PPIL1: variants seen among roughly 807,000 people sequenced by gnomAD.
PPIL1 encodes the protein peptidyl-prolyl cis-trans isomerase-like 1.
PPIL1 carries 14 observed loss-of-function variants against 19.4 expected under a neutral mutation model. That is an observed-to-expected ratio of 0.72 (90% confidence interval 0.48 to 1.13). PPIL1 has a LOEUF of 1.13. Ranked by LOEUF, PPIL1 falls within the 50% of genes most tolerant of loss-of-function variation. The pLI, the probability that PPIL1 is intolerant of heterozygous loss-of-function variation, is 0.00. For synonymous variants in PPIL1, 72 were observed against 73.6 expected (o/e 0.98, Z 0.11); for missense variants, 192 against 218.0 (o/e 0.88, Z 0.75).
chr6:36,865,324 C>CT (rs1336477099), intron 2 of PPIL1, among the ~76,000 whole-genome samples: 2 of 152,242 alleles, frequency 1.3e-5, no homozygotes, highest in Non-Finnish European at 2.9e-5. Context: ...CAAATCTGAA[C>CT]TCCTCTGTCT....
chr6:36,862,743 G>A (rs1036659814), intron 2 of PPIL1, among the ~76,000 whole-genome samples: 6 of 152,188 alleles, frequency 3.9e-5, no homozygotes, highest in African/African-American at 1.2e-4. Flanking sequence ...ACTTCCAGAC[G>A]TTCTGTTGTG....
At chr6:36,860,050 A>G (rs879550209) in intron 2 of PPIL1, among the ~76,000 whole-genome samples, 2 of 152,020 alleles carry the variant, frequency 1.3e-5, no homozygotes, top group African/African-American at 4.8e-5. Flanking sequence ...GATGGTCTCA[A>G]TCTTGACCTC....
At chr6:36,859,811 T>TTTTGTGTGTGTGTGTGTGTGTGTG (rs112797928) in intron 2 of PPIL1, among the ~76,000 whole-genome samples, 11 of 144,884 alleles carry the variant, frequency 7.6e-5, no homozygotes, top group African/African-American at 2.6e-4. Context: ...CTGTTTTCTA[T>TTTTGTGTGTGTGTGTGTGTGTGTG]TGTGTGTGTG....
chr6:36,871,283 G>A (rs1774503988), intron 2 of PPIL1, among the ~76,000 whole-genome samples: 2 of 152,260 alleles, frequency 1.3e-5, no homozygotes, highest in Admixed American at 6.5e-5. Context: ...TATCTCCCTA[G>A]AGCTTAAAAA....
At chr6:36,863,708 T>C (rs919461624) in intron 2 of PPIL1, among the ~76,000 whole-genome samples, 4 of 152,076 alleles carry the variant, frequency 2.6e-5, no homozygotes, top group African/African-American at 9.7e-5. Flanking sequence ...ATTCAGACTT[T>C]CGCCCCTCAC....
chr6:36,866,521 C>T lies in PPIL1; in HGVS notation c.211+5197G>A, dbSNP rs114377232. Among the ~76,000 whole-genome samples, 625 of 152,206 alleles carry T rather than the reference C, an allele frequency of 4.1e-3. 7 individuals carry two copies. Among genetic ancestry groups the T allele is most frequent in the African/African-American group, 0.014 (592 of 41,516 alleles). On this transcript the variant is annotated intron_variant, in intron 2 of 3. Coordinates refer to ENST00000373699, the MANE Select transcript of PPIL1 (RefSeq NM_016059.5). The stretch of plus-strand genomic sequence containing the variant: ...GTGGGCTGCTCAGTCATTCATTATA[C>T]TTGAGGCTGGGTGCAGTTATTTGAA...
chr6:36,855,775 G>A lies in PPIL1; in HGVS notation c.*38C>T, dbSNP rs181580627. 537 of 1,593,216 alleles carry A rather than the reference G, an allele frequency of 3.4e-4. 5 individuals carry two copies. Among genetic ancestry groups the A allele is most frequent in the Non-Finnish European group, 3.3e-5 (38 of 1,161,208 alleles). ...ATGTCATCTAGAAGCTGGTTCACTG[G>A]GGCCATCTCAGAAGAGCTGCTCAAG... On this transcript the variant is annotated 3_prime_UTR_variant, in exon 4 of 4. Transcript: ENST00000373699.
At chr6:36,872,010 C>G (rs1275862447) in intron 1 of PPIL1, 138 bp from the exon 2 acceptor site, 1 of 744,118 alleles carries the variant, frequency 1.3e-6, no homozygotes, top group African/African-American at 1.9e-5. Flanking sequence ...TCATGCTCAG[C>G]AAAGGAAAAC....
chr6:36,862,429 G>A (rs953834628), intron 2 of PPIL1, among the ~76,000 whole-genome samples: 16 of 152,178 alleles, frequency 1.1e-4, no homozygotes, highest in South Asian at 2.1e-4. Context: ...GCAGACAGGC[G>A]TGGCCAGATG....
chr6:36,856,952 T>C (rs1395235057), intron 2 of PPIL1, among the ~76,000 whole-genome samples: 2 of 152,232 alleles, frequency 1.3e-5, no homozygotes, highest in African/African-American at 4.8e-5. Flanking sequence ...CAAAAGAACA[T>C]TAAAATCCTC....
chr6:36,870,171 C>CA (rs1774479303), intron 2 of PPIL1, among the ~76,000 whole-genome samples: 1 of 148,728 alleles, frequency 6.7e-6, no homozygotes, highest in East Asian at 2.0e-4. Context: ...TTAAGAATGA[C>CA]AAAAAAGAAC....
intron 2 of PPIL1, among the ~76,000 whole-genome samples, chr6:36,857,847 C>A (rs972175720): frequency 6.6e-6 from 1 of 152,116 alleles, no homozygotes; most frequent in East Asian, 1.9e-4. Flanking sequence ...AGCAGCATCA[C>A]CACCAAATGT....
intron 2 of PPIL1, among the ~76,000 whole-genome samples, chr6:36,864,981 T>TAA (rs569701227): frequency 7.2e-4 from 104 of 145,108 alleles, no homozygotes; most frequent in Middle Eastern, 7.0e-3. Flanking sequence ...GAATTAACAA[T>TAA]AAAAAAAAAA....
chr6:36,855,822 A>C lies in PPIL1; in HGVS notation c.492T>G (p.Pro164=), dbSNP rs776460832. The C allele has an allele frequency of 6.2e-7, 1 of 1,614,144 alleles. No individual in the cohort carries two copies. The highest frequency in any genetic ancestry group is 8.5e-7 in the Non-Finnish European group (1 of 1,179,968). The change falls in exon 4 of 4, where the codon CCT becomes CCG. Residue 164 remains proline, a synonymous_variant. Transcript: ENST00000373699. ...CAAGAGGGTAGCAAGTCTACCCAGAAGGGTATGCCTTAATGATCTTCACGT... is the reference window on the plus strand; with the variant it reads ...CAAGAGGGTAGCAAGTCTACCCAGACGGGTATGCCTTAATGATCTTCACGT... ...VDDVKIIKAY[P]SG
intron 2 of PPIL1, among the ~76,000 whole-genome samples, chr6:36,857,984 C>T (rs981988989): frequency 3.3e-5 from 5 of 151,958 alleles, no homozygotes; most frequent in East Asian, 1.9e-4. Flanking sequence ...AATCCCAGCA[C>T]GTTGGAAGGC....
At chr6:36,866,382 T>C (rs1264624241) in intron 2 of PPIL1, among the ~76,000 whole-genome samples, 3 of 152,106 alleles carry the variant, frequency 2.0e-5, no homozygotes, top group South Asian at 2.1e-4. Context: ...AGGATGTCAT[T>C]TGCTGCCCAT....
chr6:36,865,156 T>G (rs749964309), intron 2 of PPIL1, among the ~76,000 whole-genome samples: 3 of 152,148 alleles, frequency 2.0e-5, no homozygotes, highest in Admixed American at 6.5e-5. Context: ...CTACATTTAG[T>G]AAGTATTCAT....
Position 36,858,798 on chromosome 6 carries a change from C to A in PPIL1, c.212-2144G>T, listed in dbSNP as rs1481428333. Among the ~76,000 whole-genome samples the A allele has an allele frequency of 3.9e-5, 6 of 152,306 alleles. No individual in the cohort carries two copies. In the East Asian group the frequency reaches 1.2e-3, roughly 29 times the overall value. On this transcript the variant is annotated intron_variant, in intron 2 of 3. Transcript: ENST00000373699. ...ATACTTCCAAACAGCAATTATATAA[C>A]CAATATGTTCCCTCTGACTCAATCC...
intron 2 of PPIL1, among the ~76,000 whole-genome samples, chr6:36,859,811 T>TTGTGTGTGTG (rs71880744): frequency 0.016 from 2,389 of 144,958 alleles, 36 homozygotes; most frequent in East Asian, 0.064. Flanking sequence ...CTGTTTTCTA[T>TTGTGTGTGTG]TGTGTGTGTG....
Sources: gnomAD v4.1 joint callset for allele counts (sites outside exome capture counted in the v4.1 genomes callset) on GRCh38, gnomAD v4.1.1 for gene constraint, MANE v1.5 for transcripts, NCBI Gene and HGNC (gene_info 2026-07-23, HGNC 2026-07-21) for gene names.